The following LRRC8A variants were observed in gnomAD, a reference collection of about 807,000 sequenced individuals.
The protein encoded by LRRC8A is leucine rich repeat containing 8 VRAC subunit A.
In LRRC8A, 24 loss-of-function variants were observed where a neutral mutation model predicts 52.5. The observed-to-expected ratio is 0.46, with a 90% CI of 0.33 to 0.64. LRRC8A has a LOEUF of 0.64. Ranked by LOEUF, LRRC8A falls within the 30% of genes least tolerant of loss-of-function variation. The probability of loss-of-function intolerance (pLI) is 0.02; values close to 1 mark genes in which losing one functional copy is unlikely to be tolerated. For synonymous variants in LRRC8A, 492 were observed against 494.2 expected (o/e 1.00, Z 0.06); for missense variants, 677 against 1,094.7 (o/e 0.62, Z 5.38).
Position 128,907,694 on chromosome 9 carries a change from T to C in LRRC8A, c.530T>C (p.Val177Ala). 1 of 1,613,606 alleles carries C rather than the reference T, an allele frequency of 6.2e-7. No homozygotes were observed. The highest frequency in any genetic ancestry group is 8.5e-7 in the Non-Finnish European group (1 of 1,179,878). Residue 177 changes from valine to alanine, a missense_variant, in exon 3 of 4, where the codon GTG becomes GCG. Around this residue, in one of 4 missense-constraint regions of LRRC8A, gnomAD observed 422 missense variants for 741.5 expected, o/e 0.57. Transcript: ENST00000372600. This position sits in a 1 kb window ranked among gnomAD's most constrained non-coding sequence, Gnocchi z 9.3. ...PWTTRALSET[V>A]VEESDPKPAF... is the part of the protein sequence containing the mutation. ...ACCACGAGGGCCCTGTCGGAGACAG[T>C]GGTGGAGGAGAGCGACCCCAAGCCG...
At chr9:128,910,650 A>G (rs2131035912) in intron 3 of LRRC8A, among the ~76,000 whole-genome samples, 1 of 152,254 alleles carries the variant, frequency 6.6e-6, no homozygotes, top group East Asian at 1.9e-4. Context: ...TGGTTGTACC[A>G]CTGTACTTCA....
In LRRC8A at chr9:128,911,500, C is replaced by T. The variant is rs952448522; in HGVS notation, c.2157+2179C>T. Among the ~76,000 whole-genome samples, 10 of 152,146 alleles carry T rather than the reference C, an allele frequency of 6.6e-5. No individual in the cohort carries two copies. The highest frequency in any genetic ancestry group is 1.0e-4 in the Non-Finnish European group (7 of 68,028). The stretch of plus-strand genomic sequence containing the variant: ...ATCTGTGGAGGGGGAGACCCTGTGG[C>T]TTCCCCATAGCACAGTGCTGCCCTT... On this transcript the variant is annotated intron_variant, in intron 3 of 3. Transcript: ENST00000372600. The surrounding 1 kb of genome is among the most constrained non-coding windows in gnomAD (Gnocchi z 4.9).
chr9:128,916,543 GC>G lies in LRRC8A; in HGVS notation c.*173del, dbSNP rs1166356705. 9 of 828,402 alleles carry G rather than the reference GC, an allele frequency of 1.1e-5. No individual in the cohort carries two copies. The highest frequency in any genetic ancestry group is 1.7e-5 in the African/African-American group (1 of 58,194). The allele number at this position is 828,402 out of a possible 1,614,324, so 51.3% of individuals were successfully genotyped here. On this transcript the variant is annotated 3_prime_UTR_variant, in exon 4 of 4. Coordinates refer to ENST00000372600, the MANE Select transcript of LRRC8A (RefSeq NM_019594.4). This position sits in a 1 kb window ranked among gnomAD's most constrained non-coding sequence, Gnocchi z 6.1. ...AGAGCGAGAGGACAGTATCTGTGGG[GC>G]TGGCCCCTTTTCTCCCTCTGAGACT...
At chr9:128,903,635 G>A (rs367666280) in intron 2 of LRRC8A, among the ~76,000 whole-genome samples, 40 of 151,766 alleles carry the variant, frequency 2.6e-4, no homozygotes, top group African/African-American at 8.9e-4. Flanking sequence ...GGATGGTCTC[G>A]ATCTCCTGAC....
chr9:128,912,726 GGTGA>G (rs1840611713), intron 3 of LRRC8A: 1 of 152,326 alleles, frequency 6.6e-6, no homozygotes. Context: ...TGTGGGGTGG[GGTGA>G]GTGAGAGGTG....
rs1166338871 is a variant in LRRC8A, at chr9:128,916,683, C to T, written c.*312C>T. On this transcript the variant is annotated 3_prime_UTR_variant, in exon 4 of 4. Coordinates refer to ENST00000372600, the MANE Select transcript of LRRC8A (RefSeq NM_019594.4). This position sits in a 1 kb window ranked among gnomAD's most constrained non-coding sequence, Gnocchi z 6.1. ...CTCTGCCCCAGGGGCTGAGCTGCCA[C>T]CAGAGGTCCTGGGACCCTCACTTTA... 5 of 321,794 alleles carry T rather than the reference C, an allele frequency of 1.6e-5. No individual in the cohort carries two copies. The highest frequency in any genetic ancestry group is 9.0e-4 in the Middle Eastern group (1 of 1,116). The allele number at this position is 321,794 out of a possible 1,614,324, so 19.9% of individuals were successfully genotyped here.
At chr9:128,915,107 T>A (rs1478706125) in intron 3 of LRRC8A, among the ~76,000 whole-genome samples, 2 of 152,160 alleles carry the variant, frequency 1.3e-5, no homozygotes, top group African/African-American at 4.8e-5. Context: ...AAATTAATAG[T>A]ATCAGTGCTC....
At chr9:128,888,018 C>G (rs1173200115) in intron 2 of LRRC8A, among the ~76,000 whole-genome samples, 1 of 152,130 alleles carries the variant, frequency 6.6e-6, no homozygotes, top group African/African-American at 2.4e-5. Flanking sequence ...CTTGAGCCCC[C>G]CTGGCCCCTC....
chr9:128,891,975 A>C (rs1270416037), intron 2 of LRRC8A, among the ~76,000 whole-genome samples: 1 of 152,128 alleles, frequency 6.6e-6, no homozygotes, highest in Non-Finnish European at 1.5e-5. Context: ...CTACCATAAT[A>C]ATAACAGCAG....
chr9:128,913,959 C>T (rs867084881), intron 3 of LRRC8A, among the ~76,000 whole-genome samples: 1 of 152,210 alleles, frequency 6.6e-6, no homozygotes, highest in Admixed American at 6.5e-5. Flanking sequence ...AATCCCAACA[C>T]TTTGGGAGGC....
At chr9:128,901,767 C>G (rs778646891) in intron 2 of LRRC8A, among the ~76,000 whole-genome samples, 3 of 152,144 alleles carry the variant, frequency 2.0e-5, no homozygotes, top group Non-Finnish European at 2.9e-5. Flanking sequence ...TCTTCATCCT[C>G]GGCAAGAGCC....
chr9:128,907,760 C>T lies in LRRC8A; in HGVS notation c.596C>T (p.Ser199Leu), dbSNP rs199868379. ...AATGGGTCCATGGACAAAAAGTCAT[C>T]GACCGTCAGTGAGGACGTGGAGGCC... ...KMNGSMDKKS[S>L]TVSEDVEATV... The change falls in exon 3 of 4, where the codon TCG becomes TTG. Residue 199 changes from serine (S) to leucine (L), a missense_variant. Physicochemically the swap from Ser to Leu is moderately radical, Grantham distance 145. Coordinates refer to ENST00000372600, the MANE Select transcript of LRRC8A (RefSeq NM_019594.4). This position sits in a 1 kb window ranked among gnomAD's most constrained non-coding sequence, Gnocchi z 9.3. 1.7e-5 allele frequency: 28 copies of T among 1,613,622 alleles called. No individual in the cohort carries two copies. The highest frequency in any genetic ancestry group is 1.7e-4 in the Middle Eastern group (1 of 6,060).
At position 128,908,392 on chromosome 9, in the gene LRRC8A, G is replaced by A. The variant is rs572071996; in HGVS notation, c.1228G>A (p.Glu410Lys). 26 of 1,613,818 alleles carry A rather than the reference G, an allele frequency of 1.6e-5. No individual in the cohort carries two copies. Among genetic ancestry groups the A allele is most frequent in the South Asian group, 9.9e-5 (9 of 91,084 alleles). The change falls in exon 3 of 4, where the codon GAG (glutamate) becomes AAG (lysine). Residue 410 changes from glutamate (E) to lysine (K), a missense_variant. Glu to Lys is a moderately conservative substitution (Grantham distance 56). Coordinates refer to ENST00000372600, the MANE Select transcript of LRRC8A (RefSeq NM_019594.4). ...NKLRQLNLNN[E>K]WTLDKLRQRL... ...GCTGCGGCAGCTGAACCTCAACAAC[G>A]AGTGGACGCTGGACAAGCTCCGGCA...
In LRRC8A at chr9:128,914,941, C is replaced by T. The variant is rs373041357; in HGVS notation, c.2158-1155C>T. ...TGCTCCGCTAACAGTGTGGACGGTT[C>T]ACCAGAGCATGGGCTGTTGAACCGG... On this transcript the variant is annotated intron_variant, in intron 3 of 3. Coordinates refer to ENST00000372600, the MANE Select transcript of LRRC8A (RefSeq NM_019594.4). Among the ~76,000 whole-genome samples the T allele has an allele frequency of 6.6e-5, 10 of 152,318 alleles. No individual in the cohort carries two copies. In the East Asian group the frequency reaches 1.9e-3, roughly 29 times the overall value.
rs935999608 is a variant in LRRC8A at position 128,902,594 on chromosome 9, G to C, written c.-8-4563G>C. Among the ~76,000 whole-genome samples the C allele has an allele frequency of 4.1e-4, 62 of 152,148 alleles. 1 individual carries two copies. The highest frequency in any genetic ancestry group is 2.9e-5 in the Non-Finnish European group (2 of 68,000). On this transcript the variant is annotated intron_variant, in intron 2 of 3. Transcript: ENST00000372600. The surrounding 1 kb of genome is among the most constrained non-coding windows in gnomAD (Gnocchi z 4.1). ...CCCTGGCTGTCTCATTCCAGACTTG[G>C]GGGCAGGCAGGCTGCTGCATGCACC...
chr9:128,900,871 A>T (rs57633649), intron 2 of LRRC8A, among the ~76,000 whole-genome samples: 8,411 of 151,936 alleles, frequency 0.055, 274 homozygotes, highest in African/African-American at 0.096. Context: ...TCAAATTTTT[A>T]TTTTAAATTA....
intron 2 of LRRC8A, among the ~76,000 whole-genome samples, chr9:128,888,320 G>A (rs924635728): frequency 2.0e-5 from 3 of 152,082 alleles, no homozygotes; most frequent in Non-Finnish European, 4.4e-5. Context: ...GGAATGAACC[G>A]CATGGGCCGG....
In LRRC8A at chr9:128,892,772, C is replaced by T. The variant is rs1839674846; in HGVS notation, c.-9+6651C>T. 6.6e-6 allele frequency among the ~76,000 whole-genome samples: 1 copy of T among 152,186 alleles called. No homozygotes were observed. Among genetic ancestry groups the T allele is most frequent in the African/African-American group, 2.4e-5 (1 of 41,454 alleles). On this transcript the variant is annotated intron_variant, in intron 2 of 3. Transcript: ENST00000372600. This position sits in a 1 kb window ranked among gnomAD's most constrained non-coding sequence, Gnocchi z 5.2. ...GGCTTGGAACCCTCCCGGGACAGGGCCTGTTGAGAGCGGCCCCTTCGCGCT... is the reference window on the plus strand; with the variant it reads ...GGCTTGGAACCCTCCCGGGACAGGGTCTGTTGAGAGCGGCCCCTTCGCGCT...
At chr9:128,891,266 G>A (rs1247003408) in intron 2 of LRRC8A, among the ~76,000 whole-genome samples, 3 of 150,222 alleles carry the variant, frequency 2.0e-5, no homozygotes, top group Non-Finnish European at 3.0e-5. Context: ...GTGAGATCCC[G>A]TCTAAAAAAA....
Sources: allele counts gnomAD v4.1 joint callset (sites outside exome capture counted in the v4.1 genomes callset), GRCh38; gene constraint gnomAD v4.1.1; regional missense constraint gnomAD v4.1.1; non-coding constraint Gnocchi (gnomAD v3.1); transcripts MANE v1.5; gene names NCBI Gene and HGNC (gene_info 2026-07-23, HGNC 2026-07-21).